The following CNTNAP2 variants were observed in gnomAD, a reference collection of about 807,000 sequenced individuals.
CNTNAP2 encodes contactin-associated protein-like 2.
Under a neutral mutation model 155.2 loss-of-function variants are expected in CNTNAP2, and 98 were observed. The ratio of observed to expected loss-of-function variants is 0.63; its 90% CI spans 0.54 to 0.75. CNTNAP2 has a LOEUF of 0.75. CNTNAP2 is among the 30% of genes least tolerant of loss of function. The pLI is 0.00. For missense variants in CNTNAP2, 1,727 were observed against 1,688.1 expected, an observed-to-expected ratio of 1.02 and a Z score of -0.40; for synonymous variants, 651 against 631.2, an observed-to-expected ratio of 1.03 and a Z score of -0.47.
intron 1 of CNTNAP2, among the ~76,000 whole-genome samples, chr7:146,395,729 C>T (rs563964202): frequency 4.7e-5 from 7 of 149,872 alleles, no homozygotes; most frequent in South Asian, 2.1e-4. Flanking sequence ...AGGAATTCCA[C>T]GTAGGAGCAG....
intron 13 of CNTNAP2, among the ~76,000 whole-genome samples, chr7:147,898,663 G>A (rs1005709007): frequency 2.0e-5 from 3 of 152,128 alleles, no homozygotes; most frequent in Non-Finnish European, 2.9e-5. Context: ...GGGATTACAG[G>A]CACCTGCCAC....
At chr7:146,398,027 C>T (rs539274487) in intron 1 of CNTNAP2, among the ~76,000 whole-genome samples, 5 of 151,884 alleles carry the variant, frequency 3.3e-5, no homozygotes, top group Admixed American at 2.6e-4. Flanking sequence ...GCACACGCCA[C>T]CACACCTGAC....
At chr7:148,360,711 A>G (rs1057025253) in intron 21 of CNTNAP2, among the ~76,000 whole-genome samples, 19 of 152,202 alleles carry the variant, frequency 1.2e-4, no homozygotes, top group African/African-American at 4.6e-4. Context: ...GTGGGAAAAA[A>G]TTATTTTTAT....
chr7:146,212,350 A>G (rs964794531), intron 1 of CNTNAP2, among the ~76,000 whole-genome samples: 2 of 152,138 alleles, frequency 1.3e-5, no homozygotes, highest in Non-Finnish European at 2.9e-5. Context: ...GCTAAAAACA[A>G]CAGAACCCTT....
intron 22 of CNTNAP2, among the ~76,000 whole-genome samples, chr7:148,409,078 C>T (rs1293229136): frequency 1.3e-5 from 2 of 152,184 alleles, no homozygotes; most frequent in African/African-American, 4.8e-5. Context: ...ATGTAAGAAA[C>T]ATATTCAAAT....
chr7:147,877,819 T>C (rs986945157), intron 13 of CNTNAP2, among the ~76,000 whole-genome samples: 2 of 152,184 alleles, frequency 1.3e-5, no homozygotes, highest in African/African-American at 4.8e-5. Context: ...TTTGGTTCTG[T>C]ATATTTAAGC....
At chr7:146,889,296 T>A (rs1795732630) in intron 3 of CNTNAP2, among the ~76,000 whole-genome samples, 2 of 152,310 alleles carry the variant, frequency 1.3e-5, no homozygotes, top group East Asian at 1.9e-4. Context: ...ATCTAAAATA[T>A]GTGTAAATCT....
In CNTNAP2 at chr7:148,068,732, C is replaced by A. The variant is rs550706998; in HGVS notation, c.2384-49386C>A. On this transcript the variant is annotated intron_variant, in intron 15 of 23. Coordinates refer to ENST00000361727, the MANE Select transcript of CNTNAP2 (RefSeq NM_014141.6). ...GTACTGTACCTAATACCCTGAGTTACAAGGTTTTGCACTCAGACTGGTGGG... is the reference window on the plus strand; with the variant it reads ...GTACTGTACCTAATACCCTGAGTTAAAAGGTTTTGCACTCAGACTGGTGGG... 2.6e-5 allele frequency among the ~76,000 whole-genome samples: 4 copies of A among 152,204 alleles called. No individual in the cohort carries two copies. The South Asian group carries it at 8.3e-4, about 32-fold the overall frequency.
intron 6 of CNTNAP2, chr7:147,121,847 A>G (rs1363942919): frequency 6.6e-6 from 1 of 152,286 alleles, no homozygotes; most frequent in East Asian, 1.9e-4. Context: ...TAAAATATCC[A>G]TTAAAACTGT....
intron 22 of CNTNAP2, among the ~76,000 whole-genome samples, chr7:148,408,539 T>C (rs1397437679): frequency 1.3e-5 from 2 of 152,224 alleles, no homozygotes; most frequent in Non-Finnish European, 2.9e-5. Context: ...TTGTACCAAA[T>C]AAGTACTTCT....
intron 15 of CNTNAP2, among the ~76,000 whole-genome samples, chr7:147,997,969 T>A (rs1801835524): frequency 6.6e-6 from 1 of 152,172 alleles, no homozygotes; most frequent in African/African-American, 2.4e-5. Context: ...GCGCATACTC[T>A]CTACAGGGGG....
intron 10 of CNTNAP2, among the ~76,000 whole-genome samples, chr7:147,476,541 C>T (rs2116619237): frequency 6.6e-6 from 1 of 152,268 alleles, no homozygotes; most frequent in Non-Finnish European, 1.5e-5. Context: ...CTCTCATCTT[C>T]CTTCTACCTA....
At chr7:146,372,479 CAT>C (rs71525944) in intron 1 of CNTNAP2, among the ~76,000 whole-genome samples, 39,853 of 151,974 alleles carry the variant, frequency 0.26, 6,352 homozygotes, top group Admixed American at 0.42. Context: ...CCTATATTAC[CAT>C]TCCTCCATTT....
intron 1 of CNTNAP2, among the ~76,000 whole-genome samples, chr7:146,280,740 C>T (rs773770490): frequency 4.6e-5 from 7 of 152,172 alleles, no homozygotes; most frequent in Non-Finnish European, 1.0e-4. Flanking sequence ...ATTTTCAAAG[C>T]TCCTGGGGTT....
chr7:146,785,203 C>CA (rs1419743070), intron 2 of CNTNAP2, among the ~76,000 whole-genome samples: 1 of 151,854 alleles, frequency 6.6e-6, no homozygotes, highest in Non-Finnish European at 1.5e-5. Flanking sequence ...CGAACTCCTG[C>CA]ACTCAAGTGA....
intron 14 of CNTNAP2, among the ~76,000 whole-genome samples, chr7:147,933,677 C>A (rs1401421960): frequency 2.6e-5 from 4 of 152,044 alleles, no homozygotes; most frequent in Non-Finnish European, 5.9e-5. Context: ...CCAGCCTGAC[C>A]AACATGGTAA....
At chr7:147,002,893 A>G (rs1032203998) in intron 3 of CNTNAP2, among the ~76,000 whole-genome samples, 6 of 151,140 alleles carry the variant, frequency 4.0e-5, no homozygotes, top group Non-Finnish European at 7.4e-5. Flanking sequence ...GGTTTCAACA[A>G]ATAAATTTTG....
chr7:147,279,774 C>T (rs908084717), intron 8 of CNTNAP2, among the ~76,000 whole-genome samples: 6 of 151,794 alleles, frequency 4.0e-5, no homozygotes, highest in African/African-American at 1.5e-4. Flanking sequence ...CCAATGTAAA[C>T]GCTAAATACT....
At chr7:147,796,283 C>T (rs1056755215) in intron 13 of CNTNAP2, among the ~76,000 whole-genome samples, 2 of 152,078 alleles carry the variant, frequency 1.3e-5, no homozygotes, top group Non-Finnish European at 2.9e-5. Context: ...TGTACTATAA[C>T]AAAAACACAG....
Sources: gnomAD v4.1 joint callset for allele counts (sites outside exome capture counted in the v4.1 genomes callset) on GRCh38, gnomAD v4.1.1 for gene constraint, MANE v1.5 for transcripts, NCBI Gene and HGNC (gene_info 2026-07-23, HGNC 2026-07-21) for gene names.